GTF2F2: variants seen among roughly 807,000 people sequenced by gnomAD.
GTF2F2 encodes general transcription factor IIF subunit 2.
Under a neutral mutation model 42.2 loss-of-function variants are expected in GTF2F2, and 23 were observed. That is an observed-to-expected ratio of 0.55 (90% CI 0.39 to 0.77). The LOEUF is 0.77. Ranked by LOEUF, GTF2F2 falls within the 30% of genes least tolerant of loss-of-function variation. GTF2F2 has a pLI of 0.00. For synonymous variants in GTF2F2, 105 were observed against 100.8 expected, an observed-to-expected ratio of 1.04 and a Z score of -0.25; for missense variants, 261 against 287.2, an observed-to-expected ratio of 0.91 and a Z score of 0.66.
At chr13:45,176,849 A>G (rs1208510475) in intron 4 of GTF2F2, among the ~76,000 whole-genome samples, 3 of 151,626 alleles carry the variant, frequency 2.0e-5, no homozygotes, top group East Asian at 3.9e-4. Context: ...GCAGTGGTGC[A>G]GTCTTGGCTC....
chr13:45,128,002 C>T (rs1461954040), intron 1 of GTF2F2, among the ~76,000 whole-genome samples: 2 of 130,956 alleles, frequency 1.5e-5, no homozygotes, highest in African/African-American at 2.9e-5. Flanking sequence ...GCTCTGTCAC[C>T]CAGGCCGGAG....
Position 45,156,253 on chromosome 13 carries a change from A to G in GTF2F2, c.304+4422A>G, listed in dbSNP as rs987255677. 4.6e-5 allele frequency among the ~76,000 whole-genome samples: 7 copies of G among 152,350 alleles called. No homozygotes were observed. In the East Asian group the frequency reaches 1.2e-3, roughly 25 times the overall value. ...AGTGAATAAATGCTACAAATGCTCT[A>G]ATGGAGATATGTACAAAGAGGAAAA... is the stretch of plus-strand genomic sequence containing the variant. On this transcript the variant is annotated intron_variant, in intron 4 of 7. Transcript: ENST00000340473.
intron 2 of GTF2F2, among the ~76,000 whole-genome samples, chr13:45,140,245 C>A (rs1162720847): frequency 1.3e-5 from 2 of 152,036 alleles, no homozygotes; most frequent in African/African-American, 4.8e-5. Context: ...AACCACCATG[C>A]CCAGCCGATG....
chr13:45,178,178 A>G (rs766530), intron 4 of GTF2F2, among the ~76,000 whole-genome samples: 1,811 of 151,966 alleles, frequency 0.012, 28 homozygotes, highest in African/African-American at 0.037. Context: ...CATAGGGCCA[A>G]CAGTTTCTTT....
At chr13:45,144,266 A>G (rs1870080424) in intron 2 of GTF2F2, among the ~76,000 whole-genome samples, 1 of 151,828 alleles carries the variant, frequency 6.6e-6, no homozygotes, top group Non-Finnish European at 1.5e-5. Context: ...AAAAAAAATT[A>G]GTTTATAGTT....
chr13:45,163,235 T>C (rs1206162048), intron 4 of GTF2F2, among the ~76,000 whole-genome samples: 1 of 152,204 alleles, frequency 6.6e-6, no homozygotes, highest in Non-Finnish European at 1.5e-5. Flanking sequence ...ATAAAGTCGG[T>C]TCTTTGTTTT....
chr13:45,260,353 G>C (rs1238824761), intron 6 of GTF2F2, among the ~76,000 whole-genome samples: 1 of 152,136 alleles, frequency 6.6e-6, no homozygotes, highest in African/African-American at 2.4e-5. Context: ...TTGTCCATTT[G>C]AATTTGCACA....
At chr13:45,217,659 A>G (rs1424044928) in intron 5 of GTF2F2, among the ~76,000 whole-genome samples, 2 of 152,222 alleles carry the variant, frequency 1.3e-5, no homozygotes, top group Non-Finnish European at 2.9e-5. Flanking sequence ...AATTCAAATT[A>G]TAAGTCCTGA....
At chr13:45,150,493 C>A (rs1037118639) in intron 3 of GTF2F2, among the ~76,000 whole-genome samples, 5 of 152,002 alleles carry the variant, frequency 3.3e-5, no homozygotes, top group Non-Finnish European at 5.9e-5. Context: ...TCATCCCCCC[C>A]ATCTGAAGTA....
chr13:45,210,392 C>T (rs1195862022), intron 5 of GTF2F2, among the ~76,000 whole-genome samples: 1 of 152,176 alleles, frequency 6.6e-6, no homozygotes, highest in East Asian at 1.9e-4. Context: ...CAGATAAATG[C>T]ATGGCTTGCC....
chr13:45,263,421 G>T (rs928377660), intron 6 of GTF2F2, among the ~76,000 whole-genome samples: 1 of 151,930 alleles, frequency 6.6e-6, no homozygotes, highest in African/African-American at 2.4e-5. Context: ...GTAGAGACAG[G>T]GTTTCACCAT....
intron 5 of GTF2F2, among the ~76,000 whole-genome samples, chr13:45,236,530 A>AC (rs1566145926): frequency 2.2e-5 from 3 of 138,726 alleles, no homozygotes; most frequent in Admixed American, 1.4e-4. Context: ...CACACACACA[A>AC]GTTTATGAGG....
chr13:45,249,509 G>A (rs1875785621), intron 5 of GTF2F2, among the ~76,000 whole-genome samples: 1 of 152,204 alleles, frequency 6.6e-6, no homozygotes, highest in Non-Finnish European at 1.5e-5. Context: ...AAAGTATGCT[G>A]CATAAACCTG....
At chr13:45,145,567 T>G (rs1415378050) in intron 2 of GTF2F2, among the ~76,000 whole-genome samples, 1 of 152,246 alleles carries the variant, frequency 6.6e-6, no homozygotes, top group Non-Finnish European at 1.5e-5. Context: ...TATATTTACA[T>G]ATATTGAAAT....
intron 2 of GTF2F2, among the ~76,000 whole-genome samples, chr13:45,143,449 G>A (rs61947848): frequency 0.16 from 25,084 of 152,142 alleles, 2,470 homozygotes; most frequent in Non-Finnish European, 0.22. Flanking sequence ...CTCATCTGAG[G>A]AGATGATATT....
At chr13:45,145,884 C>T (rs948235251) in intron 2 of GTF2F2, among the ~76,000 whole-genome samples, 1 of 152,202 alleles carries the variant, frequency 6.6e-6, no homozygotes, top group Non-Finnish European at 1.5e-5. Flanking sequence ...GGTTTCTCCC[C>T]TCCTCCATAG....
chr13:45,190,403 G>C (rs1872572669), intron 4 of GTF2F2, among the ~76,000 whole-genome samples: 1 of 152,198 alleles, frequency 6.6e-6, no homozygotes, highest in African/African-American at 2.4e-5. Flanking sequence ...GTGAATGCCT[G>C]TTTTCTGCCA....
chr13:45,263,308 A>G (rs1456351922), intron 6 of GTF2F2, among the ~76,000 whole-genome samples: 2 of 151,836 alleles, frequency 1.3e-5, no homozygotes, highest in African/African-American at 4.8e-5. Flanking sequence ...GCTCACTGCA[A>G]GCTCCGCCTC....
At chr13:45,172,459 T>C (rs371923008) in intron 4 of GTF2F2, among the ~76,000 whole-genome samples, 2 of 152,226 alleles carry the variant, frequency 1.3e-5, no homozygotes, top group African/African-American at 2.4e-5. Flanking sequence ...TTCAGAGATA[T>C]GATTTGCAAA....
Sources: gnomAD v4.1 joint callset for allele counts (sites outside exome capture counted in the v4.1 genomes callset) on GRCh38, gnomAD v4.1.1 for gene constraint, MANE v1.5 for transcripts, NCBI Gene and HGNC (gene_info 2026-07-23, HGNC 2026-07-21) for gene names.